Variants in GFRA2 observed in about 807,000 individuals in gnomAD.
The protein encoded by GFRA2 is GDNF family receptor alpha 2.
Under a neutral mutation model 48.3 loss-of-function variants are expected in GFRA2, and 17 were observed. The ratio of observed to expected loss-of-function variants is 0.35; its 90% confidence interval spans 0.24 to 0.53. GFRA2 has a LOEUF of 0.53. GFRA2 is among the 20% of genes least tolerant of loss of function. The probability of loss-of-function intolerance (pLI) is 0.93; values close to 1 mark genes in which losing one functional copy is unlikely to be tolerated. For missense variants in GFRA2, 660 were observed against 637.3 expected (o/e 1.04, Z -0.38); for synonymous variants, 305 against 257.2 (o/e 1.19, Z -1.78).
rs1215891458 is a variant in GFRA2, at chr8:21,775,989, C to CTGTGTGTTTG, written c.356-935_356-934insCAAACACACA. On this transcript the variant is annotated intron_variant, in intron 2 of 8. Transcript: ENST00000524240. ...AAATTGATGGCTCACCACTCATCCT[C>CTGTGTGTTTG]TGTGTGTGTGTGTGTGTGTGTGTGT... Among the ~76,000 whole-genome samples the CTGTGTGTTTG allele has an allele frequency of 8.1e-4, 103 of 126,478 alleles. 1 individual carries two copies. The highest frequency in any genetic ancestry group is 3.1e-3 in the African/African-American group (100 of 32,004). 83.0% of individuals were successfully genotyped at this position (126,478 alleles called of 152,430 possible). A position where few individuals can be genotyped will look rare whatever the true frequency, so the allele number is the denominator to read the frequency against.
intron 4 of GFRA2, among the ~76,000 whole-genome samples, chr8:21,730,207 C>T (rs549589761): frequency 9.2e-5 from 14 of 152,182 alleles, no homozygotes; most frequent in African/African-American, 3.4e-4. Context: ...GAGTTTGAGG[C>T]CAGCCTGGGC....
intron 6 of GFRA2, among the ~76,000 whole-genome samples, 152 bp downstream of exon 6, chr8:21,704,833 C>G (rs1334924303): frequency 6.6e-6 from 1 of 151,962 alleles, no homozygotes; most frequent in African/African-American, 2.4e-5. Context: ...TCCAAAAGCT[C>G]AAAACCCAAG....
intron 6 of GFRA2, among the ~76,000 whole-genome samples, chr8:21,704,440 G>C (rs1166965200): frequency 1.3e-5 from 2 of 152,192 alleles, no homozygotes; most frequent in Non-Finnish European, 2.9e-5. Flanking sequence ...CACACAGAGA[G>C]GGAGGAACAG....
chr8:21,781,588 G>A (rs1806988049), intron 2 of GFRA2, among the ~76,000 whole-genome samples: 4 of 151,966 alleles, frequency 2.6e-5, no homozygotes, highest in African/African-American at 7.3e-5. Context: ...TGCTACCATC[G>A]CACCCTGTGT....
At chr8:21,757,537 A>G (rs1585304671) in intron 3 of GFRA2, among the ~76,000 whole-genome samples, 1 of 141,924 alleles carries the variant, frequency 7.0e-6, no homozygotes, top group East Asian at 2.0e-4. Flanking sequence ...ACTCTGTCGC[A>G]CGTTGTAGTG....
At chr8:21,798,076 T>C (rs1299283536) in intron 2 of GFRA2, among the ~76,000 whole-genome samples, 1 of 152,178 alleles carries the variant, frequency 6.6e-6, no homozygotes, top group African/African-American at 2.4e-5. Flanking sequence ...AGGCACCTGC[T>C]GCCTCCCCAC....
chr8:21,792,705 T>A (rs1196041880), upstream of GFRA2, among the ~76,000 whole-genome samples: 1 of 152,094 alleles, frequency 6.6e-6, no homozygotes, highest in Non-Finnish European at 1.5e-5. Context: ...TGGGTAGAAT[T>A]TGGCTGAGCA....
chr8:21,715,676 A>G (rs1563224032), intron 4 of GFRA2, among the ~76,000 whole-genome samples: 1 of 152,232 alleles, frequency 6.6e-6, no homozygotes, highest in Non-Finnish European at 1.5e-5. Context: ...ACACTGGCCT[A>G]GAGATAAGGA....
chr8:21,801,820 C>T (rs1219523673), intron 2 of GFRA2, among the ~76,000 whole-genome samples: 3 of 152,228 alleles, frequency 2.0e-5, no homozygotes, highest in Non-Finnish European at 4.4e-5. Context: ...GTGCTGCCCG[C>T]AGCCCTCGCC....
At chr8:21,706,944 C>A (rs903736112) in intron 4 of GFRA2, among the ~76,000 whole-genome samples, 2 of 152,204 alleles carry the variant, frequency 1.3e-5, no homozygotes, top group African/African-American at 4.8e-5. Flanking sequence ...TGGGCCCTGG[C>A]CAGGAATGTT....
chr8:21,713,606 A>G (rs2117409754), intron 4 of GFRA2, among the ~76,000 whole-genome samples: 1 of 152,164 alleles, frequency 6.6e-6, no homozygotes, highest in South Asian at 2.1e-4. Context: ...TTGCGTGGGT[A>G]CAGGTGGACT....
At chr8:21,731,521 T>C (rs1485328368) in intron 4 of GFRA2, among the ~76,000 whole-genome samples, 1 of 152,104 alleles carries the variant, frequency 6.6e-6, no homozygotes, top group Non-Finnish European at 1.5e-5. Flanking sequence ...AACAGCACAT[T>C]TGTAGGTCAC....
intron 3 of GFRA2, among the ~76,000 whole-genome samples, chr8:21,773,658 G>A (rs1215983140): frequency 6.6e-6 from 1 of 152,148 alleles, no homozygotes; most frequent in Non-Finnish European, 1.5e-5. Context: ...CTCTAGTTAG[G>A]AAGAATTATT....
At chr8:21,734,302 G>A (rs1804344824) in intron 4 of GFRA2, among the ~76,000 whole-genome samples, 1 of 152,222 alleles carries the variant, frequency 6.6e-6, no homozygotes, top group South Asian at 2.1e-4. Flanking sequence ...AGAAGCCACT[G>A]CCAGGGCTCC....
At chr8:21,716,176 A>T (rs1803322793) in intron 4 of GFRA2, among the ~76,000 whole-genome samples, 1 of 152,152 alleles carries the variant, frequency 6.6e-6, no homozygotes, top group African/African-American at 2.4e-5. Flanking sequence ...TCGAAAAATT[A>T]GCCAGGCATG....
intron 3 of GFRA2, among the ~76,000 whole-genome samples, chr8:21,770,260 A>C (rs1806380114): frequency 6.6e-6 from 1 of 152,230 alleles, no homozygotes; most frequent in Non-Finnish European, 1.5e-5. Context: ...CCCAGCCACA[A>C]CCTGCCATCG....
intron 4 of GFRA2, among the ~76,000 whole-genome samples, chr8:21,712,496 G>T (rs1044745702): frequency 6.6e-6 from 1 of 151,292 alleles, no homozygotes; most frequent in Non-Finnish European, 1.5e-5. Flanking sequence ...GATGGCGGGC[G>T]GGCAGAGACG....
intron 4 of GFRA2, among the ~76,000 whole-genome samples, chr8:21,710,343 C>A (rs1585238723): frequency 6.6e-6 from 1 of 152,220 alleles, no homozygotes; most frequent in African/African-American, 2.4e-5. Flanking sequence ...TAGCGCTGTG[C>A]CTGCCACTTG....
chr8:21,795,398 A>T (rs953012102), intron 2 of GFRA2, among the ~76,000 whole-genome samples: 7,057 of 121,224 alleles, frequency 0.058, 211 homozygotes, highest in Middle Eastern at 0.11. Context: ...TTATTTATTT[A>T]TTTTTTTTAT....
Sources: gnomAD v4.1 joint callset for allele counts (sites outside exome capture counted in the v4.1 genomes callset) on GRCh38, gnomAD v4.1.1 for gene constraint, MANE v1.5 for transcripts, NCBI Gene and HGNC (gene_info 2026-07-23, HGNC 2026-07-21) for gene names.